Variants in ANKRD31 observed in about 807,000 individuals in gnomAD.
ANKRD31 encodes ankyrin repeat domain 31, also known as ankyrin repeat domain-containing protein 31.
ANKRD31 carries 147 observed loss-of-function variants against 186.0 expected under a neutral mutation model. The ratio of observed to expected loss-of-function variants is 0.79; its 90% CI spans 0.69 to 0.91. The LOEUF is 0.91. Ranked by LOEUF, ANKRD31 falls within the 40% of genes least tolerant of loss-of-function variation. The pLI, the probability that ANKRD31 is intolerant of heterozygous loss-of-function variation, is 0.00. For synonymous variants in ANKRD31, 673 were observed against 736.4 expected, an observed-to-expected ratio of 0.91 and a Z score of 1.39; for missense variants, 1,986 against 2,148.8, an observed-to-expected ratio of 0.92 and a Z score of 1.50.
intron 10 of ANKRD31, among the ~76,000 whole-genome samples, chr5:75,172,415 C>CA (rs1439173053): frequency 2.7e-5 from 4 of 145,988 alleles, no homozygotes; most frequent in Non-Finnish European, 3.0e-5. Context: ...GATAGAGACA[C>CA]AAAAAAAACT....
At chr5:75,134,965 C>T (rs1291697614) in intron 17 of ANKRD31, among the ~76,000 whole-genome samples, 4 of 152,154 alleles carry the variant, frequency 2.6e-5, no homozygotes, top group Admixed American at 6.5e-5. Context: ...CAAAAGTCAA[C>T]AGCCTTCATG....
intron 18 of ANKRD31, 46 bp from the exon 19 acceptor site, chr5:75,116,727 A>G (rs1270216128): frequency 1.7e-6 from 2 of 1,157,806 alleles, no homozygotes; most frequent in South Asian, 2.3e-5. Context: ...GTGCAAAAAT[A>G]TAGTTTCATT....
intron 4 of ANKRD31, among the ~76,000 whole-genome samples, chr5:75,209,136 T>A (rs1437159229): frequency 6.6e-6 from 1 of 152,216 alleles, no homozygotes; most frequent in Non-Finnish European, 1.5e-5. Context: ...CTTTTTGCAT[T>A]CTATTACATT....
chr5:75,187,198 T>G (rs1754796768), intron 10 of ANKRD31, among the ~76,000 whole-genome samples: 1 of 150,932 alleles, frequency 6.6e-6, no homozygotes, highest in Non-Finnish European at 1.5e-5. Flanking sequence ...TTGCAGGTGA[T>G]TCTATTGAAA....
intron 15 of ANKRD31, among the ~76,000 whole-genome samples, chr5:75,143,786 A>G (rs771894925): frequency 6.6e-6 from 1 of 152,198 alleles, no homozygotes; most frequent in Admixed American, 6.5e-5. Context: ...AATAAACTAG[A>G]AGTCATAGAA....
At position 75,210,830 on chromosome 5, in the gene ANKRD31, T is replaced by C. The variant is rs1756579506; in HGVS notation, c.324A>G (p.Leu108=). ...QDETERNQAL[L]QTRKNCSMFI... is the part of the protein sequence containing the mutation. ...AAGCCAAAAATTAGTATACTTACTG[T>C]AACAGAGCTTGATTTCGTTCTGTTT... The change falls in exon 4 of 26, where the codon TTA becomes TTG. Residue 108 remains leucine (L), a splice_region_variant and synonymous_variant. Coordinates refer to ENST00000506364, the MANE Select transcript of ANKRD31 (RefSeq NM_001372053.1). The C allele has an allele frequency of 4.6e-6, 7 of 1,511,354 alleles. No homozygotes were observed. The East Asian group carries it at 1.2e-4, about 27-fold the overall frequency. 93.6% of individuals were successfully genotyped at this position (1,511,354 alleles called of 1,614,324 possible).
At chr5:75,181,044 A>AC (rs1215253496) in intron 10 of ANKRD31, among the ~76,000 whole-genome samples, 2 of 143,958 alleles carry the variant, frequency 1.4e-5, no homozygotes, top group Non-Finnish European at 3.0e-5. Flanking sequence ...AAAAAAAAAA[A>AC]ACAAGCAACC....
intron 20 of ANKRD31, among the ~76,000 whole-genome samples, chr5:75,108,814 G>A (rs991464681): frequency 2.0e-5 from 3 of 152,026 alleles, no homozygotes; most frequent in African/African-American, 7.2e-5. Context: ...ACATAATTTT[G>A]TTCAGCAGAT....
At chr5:75,219,225 T>C (rs1460644425) in intron 3 of ANKRD31, among the ~76,000 whole-genome samples, 1 of 152,200 alleles carries the variant, frequency 6.6e-6, no homozygotes, top group Non-Finnish European at 1.5e-5. Context: ...GACATGCTTC[T>C]ATATCTAGAA....
chr5:75,162,285 G>C (rs1580458116), intron 11 of ANKRD31, among the ~76,000 whole-genome samples: 1 of 152,332 alleles, frequency 6.6e-6, no homozygotes, highest in African/African-American at 2.4e-5. Context: ...GAGACATGGA[G>C]TCAAAGGAGA....
chr5:75,083,752 G>A (rs1225044805), intron 24 of ANKRD31, among the ~76,000 whole-genome samples: 1 of 151,980 alleles, frequency 6.6e-6, no homozygotes, highest in Non-Finnish European at 1.5e-5. Flanking sequence ...AAAGTTGGGG[G>A]GGAAGCACCC....
Position 75,104,782 on chromosome 5 carries a change from G to A in ANKRD31, c.4777C>T (p.His1593Tyr). 2 of 1,537,208 alleles carry A rather than the reference G, an allele frequency of 1.3e-6. No homozygotes were observed. The highest frequency in any genetic ancestry group is 1.7e-6 in the Non-Finnish European group (2 of 1,146,890). Residue 1593 changes from histidine to tyrosine, a missense_variant, in exon 22 of 26, where the codon CAT becomes TAT. Transcript: ENST00000506364. ...CTLDGFPKSR[H>Y]SDGTEKNKLP... ...TTATTCTTCTCTGTGCCATCTGAAT[G>A]TCTGGATTTTGGAAAACCATCCAAG...
At chr5:75,116,287 A>G (rs1748250529) in intron 19 of ANKRD31, among the ~76,000 whole-genome samples, 1 of 149,568 alleles carries the variant, frequency 6.7e-6, no homozygotes, top group Non-Finnish European at 1.5e-5. Context: ...GAGGGATAGC[A>G]TTGGGAGATA....
At chr5:75,224,129 TTA>T (rs148986776) in intron 2 of ANKRD31, among the ~76,000 whole-genome samples, 27,800 of 104,384 alleles carry the variant, frequency 0.27, 3,848 homozygotes, top group Non-Finnish European at 0.36. Flanking sequence ...TCAGAAATAA[TTA>T]TATATATATA....
At chr5:75,110,145 A>G (rs1015642048) in intron 20 of ANKRD31, among the ~76,000 whole-genome samples, 3 of 152,312 alleles carry the variant, frequency 2.0e-5, no homozygotes, top group South Asian at 2.1e-4. Flanking sequence ...TTAAACTACA[A>G]AAACCTGGGG....
chr5:75,108,386 A>C (rs745367226), intron 20 of ANKRD31, among the ~76,000 whole-genome samples: 17 of 152,034 alleles, frequency 1.1e-4, no homozygotes, highest in Non-Finnish European at 2.1e-4. Flanking sequence ...AGGCATAATG[A>C]CCTTTCTCCC....
intron 10 of ANKRD31, among the ~76,000 whole-genome samples, chr5:75,183,160 T>C (rs112105907): frequency 3.9e-5 from 6 of 152,006 alleles, no homozygotes; most frequent in Admixed American, 1.3e-4. Flanking sequence ...ACAAAAACCA[T>C]ATGATCATTT....
chr5:75,144,289 G>T (rs930274213), intron 14 of ANKRD31, 118 bp from the exon 15 acceptor site: 1 of 389,100 alleles, frequency 2.6e-6, no homozygotes. Flanking sequence ...TTAAGAAAAT[G>T]GAAGCTTTTA....
Position 75,169,622 on chromosome 5 carries a change from C to T in ANKRD31, c.1565-501G>A, listed in dbSNP as rs188602695. ...CAAACCACAAACTGCTCCAAGAAAA[C>T]CAGTCATACAGGCAAATATTCTTTT... On this transcript the variant is annotated intron_variant, in intron 10 of 25. Coordinates refer to ENST00000506364, the MANE Select transcript of ANKRD31 (RefSeq NM_001372053.1). 1.2e-4 allele frequency among the ~76,000 whole-genome samples: 18 copies of T among 152,238 alleles called. 1 individual carries two copies. The South Asian group carries it at 1.2e-3, about 10-fold the overall frequency.
Sources: gnomAD v4.1 joint callset for allele counts (sites outside exome capture counted in the v4.1 genomes callset) on GRCh38, gnomAD v4.1.1 for gene constraint, MANE v1.5 for transcripts, NCBI Gene and HGNC (gene_info 2026-07-23, HGNC 2026-07-21) for gene names.